Variants in NSUN6 observed in about 807,000 individuals in gnomAD.
NSUN6 encodes the protein NOP2/Sun RNA methyltransferase 6.
NSUN6 carries 64 observed loss-of-function variants against 58.0 expected under a neutral mutation model. The ratio of observed to expected loss-of-function variants is 1.10; its 90% confidence interval spans 0.90 to 1.36. The LOEUF (loss-of-function observed/expected upper bound fraction) is 1.36. Among genes scored for constraint, NSUN6 ranks in the 40% most tolerant of loss-of-function variants. The pLI, the probability that NSUN6 is intolerant of heterozygous loss-of-function variation, is 0.00. For synonymous variants in NSUN6, 231 were observed against 193.9 expected, an observed-to-expected ratio of 1.19 and a Z score of -1.59; for missense variants, 701 against 550.1, an observed-to-expected ratio of 1.27 and a Z score of -2.74.
At chr10:18,582,645 G>T (rs2056957363) in intron 8 of NSUN6, among the ~76,000 whole-genome samples, 1 of 152,160 alleles carries the variant, frequency 6.6e-6, no homozygotes, top group Admixed American at 6.5e-5. Context: ...CTGTTGAAAA[G>T]AATAAAGCAA....
intron 5 of NSUN6, among the ~76,000 whole-genome samples, chr10:18,610,493 T>C (rs546093157): frequency 1.1e-4 from 16 of 152,342 alleles, no homozygotes; most frequent in African/African-American, 3.1e-4. Flanking sequence ...CACAAATGTG[T>C]TTCTGTAGAG....
intron 8 of NSUN6, among the ~76,000 whole-genome samples, chr10:18,568,594 C>A (rs905180457): frequency 2.0e-5 from 3 of 149,918 alleles, no homozygotes; most frequent in East Asian, 2.0e-4. Context: ...GCATTCCATT[C>A]CACATTCAAA....
chr10:18,607,611 G>A (rs2058089097), intron 6 of NSUN6, among the ~76,000 whole-genome samples: 1 of 152,218 alleles, frequency 6.6e-6, no homozygotes, highest in South Asian at 2.1e-4. Context: ...ATTGCTTAAA[G>A]CCCTTACCCC....
chr10:18,546,036 A>C lies in NSUN6; in HGVS notation c.1307T>G (p.Met436Arg). 1 of 1,601,236 alleles carries C rather than the reference A, an allele frequency of 6.2e-7. No individual in the cohort carries two copies. Among genetic ancestry groups the C allele is most frequent in the Non-Finnish European group, 8.5e-7 (1 of 1,175,440 alleles). Residue 436 changes from methionine (M) to arginine (R), a missense_variant, in exon 11 of 11, where the codon ATG (methionine) becomes AGG (arginine). Physicochemically the swap from Met to Arg is moderately conservative, Grantham distance 91. Coordinates refer to ENST00000377304, the MANE Select transcript of NSUN6 (RefSeq NM_182543.5). ...PSAVPLPDTD[M>R]DSLREARRED... The stretch of plus-strand genomic sequence containing the variant: ...TCTTCTGGCCTCTCTAAGAGAGTCC[A>C]TGTCAGTGTCCGGTAATGGCACAGC...
At position 18,546,065 on chromosome 10, in the gene NSUN6, T is replaced by C; in HGVS notation, c.1278A>G (p.Pro426=). The change falls in exon 11 of 11, where the codon CCA becomes CCG. Residue 426 remains proline (P), a synonymous_variant. Transcript: ENST00000377304. ...EQLKQLQRFD[P]SAVPLPDTDM... ...CAGTGTCCGGTAATGGCACAGCCGA[T>C]GGATCAAATCGCTGCAGCTGTTTCA... 6.2e-7 allele frequency: 1 copy of C among 1,607,488 alleles called. No homozygotes were observed. Among genetic ancestry groups the C allele is most frequent in the East Asian group, 2.2e-5 (1 of 44,838 alleles).
chr10:18,639,433 G>A (rs1320756897), intron 3 of NSUN6, among the ~76,000 whole-genome samples: 1 of 152,148 alleles, frequency 6.6e-6, no homozygotes, highest in Non-Finnish European at 1.5e-5. Flanking sequence ...GGGGGAGGTT[G>A]CAGTGAACCA....
At chr10:18,611,617 A>G (rs2058239148) in intron 5 of NSUN6, among the ~76,000 whole-genome samples, 1 of 152,092 alleles carries the variant, frequency 6.6e-6, no homozygotes, top group Non-Finnish European at 1.5e-5. Context: ...GCAGCCTCTA[A>G]CTACTGGGTT....
chr10:18,656,904 G>C (rs1193331374), upstream of NSUN6, among the ~76,000 whole-genome samples: 1 of 141,838 alleles, frequency 7.1e-6, no homozygotes, highest in Non-Finnish European at 1.5e-5. Context: ...TTAGCCCACT[G>C]CAGTCTTGAC....
chr10:18,633,231 G>A (rs1457195252), intron 3 of NSUN6, among the ~76,000 whole-genome samples: 3 of 144,430 alleles, frequency 2.1e-5, no homozygotes, highest in Non-Finnish European at 4.5e-5. Flanking sequence ...ACAGGAAGGG[G>A]AACATCACAC....
intron 6 of NSUN6, among the ~76,000 whole-genome samples, chr10:18,604,823 T>C (rs1175910431): frequency 2.0e-5 from 3 of 147,890 alleles, no homozygotes; most frequent in Non-Finnish European, 4.5e-5. Context: ...GAGGGGGAGG[T>C]TGCAGTGAGC....
Position 18,620,083 on chromosome 10 carries a change from TA to T in NSUN6, c.312-3791del, listed in dbSNP as rs922734421. On this transcript the variant is annotated intron_variant, in intron 3 of 10. Transcript: ENST00000377304. ...AAAATACACATCTAATTTTTACTAA[TA>T]AAAAAAATTTTTTTTTTTTTTGAGA... Among the ~76,000 whole-genome samples, 4 of 115,170 alleles carry T rather than the reference TA, an allele frequency of 3.5e-5. No individual in the cohort carries two copies. The Admixed American group carries it at 4.0e-4, about 11-fold the overall frequency. 75.6% of individuals were successfully genotyped at this position (115,170 alleles called of 152,430 possible).
intron 3 of NSUN6, among the ~76,000 whole-genome samples, chr10:18,635,859 T>TAA (rs755771328): frequency 6.7e-5 from 10 of 148,406 alleles, no homozygotes; most frequent in Admixed American, 6.1e-4. Flanking sequence ...TCGTTTTTTT[T>TAA]AAAAAAAAAA....
Position 18,545,892 on chromosome 10 carries a change from CA to C in NSUN6, c.*40del. 1.0e-6 allele frequency: 1 copy of C among 974,102 alleles called. No homozygotes were observed. 60.3% of individuals were successfully genotyped at this position (974,102 alleles called of 1,614,324 possible). A position where few individuals can be genotyped will look rare whatever the true frequency, so the allele number is the denominator to read the frequency against. On this transcript the variant is annotated 3_prime_UTR_variant, in exon 11 of 11. Transcript: ENST00000377304. ...TTAAAAAAAAAAAAACCACAGACAG[CA>C]AATGTTTGGAATTTTCATTTCTGAG...
intron 8 of NSUN6, among the ~76,000 whole-genome samples, chr10:18,584,481 G>A (rs2057040333): frequency 6.6e-6 from 1 of 152,118 alleles, no homozygotes; most frequent in Non-Finnish European, 1.5e-5. Flanking sequence ...GTTACAATCT[G>A]AAGGTCAGAG....
intron 3 of NSUN6, among the ~76,000 whole-genome samples, chr10:18,637,435 G>C (rs1160892091): frequency 6.6e-6 from 1 of 152,188 alleles, no homozygotes; most frequent in Non-Finnish European, 1.5e-5. Context: ...ATAAAAGTAA[G>C]TATTGAAAAT....
At chr10:18,607,577 T>A (rs571736987) in intron 6 of NSUN6, among the ~76,000 whole-genome samples, 38 of 152,330 alleles carry the variant, frequency 2.5e-4, no homozygotes, top group African/African-American at 9.1e-4. Flanking sequence ...TCAAAGAAAC[T>A]GAGAAATTTA....
At chr10:18,592,963 T>C (rs778904295) in intron 7 of NSUN6, among the ~76,000 whole-genome samples, 34 of 152,316 alleles carry the variant, frequency 2.2e-4, no homozygotes, top group Non-Finnish European at 3.1e-4. Flanking sequence ...TCTACCCATC[T>C]GACAAAGGTC....
At chr10:18,631,046 T>G (rs2131479199) in intron 3 of NSUN6, among the ~76,000 whole-genome samples, 1 of 152,108 alleles carries the variant, frequency 6.6e-6, no homozygotes, top group South Asian at 2.1e-4. Flanking sequence ...ATCAAAAAGC[T>G]TATCCACCAT....
chr10:18,587,010 C>T (rs2057179633), intron 7 of NSUN6, among the ~76,000 whole-genome samples: 1 of 152,216 alleles, frequency 6.6e-6, no homozygotes, highest in African/African-American at 2.4e-5. Context: ...TTGGCTTCAC[C>T]TCTCATGTAT....
Sources: gnomAD v4.1 joint callset for allele counts (sites outside exome capture counted in the v4.1 genomes callset) on GRCh38, gnomAD v4.1.1 for gene constraint, MANE v1.5 for transcripts, NCBI Gene and HGNC (gene_info 2026-07-23, HGNC 2026-07-21) for gene names.